Variants in ADARB2 observed in about 807,000 individuals in gnomAD.
ADARB2 encodes adenosine deaminase RNA specific B2 (inactive), also known as inactive double-stranded RNA-specific editase B2.
Under a neutral mutation model 62.2 loss-of-function variants are expected in ADARB2, and 25 were observed. The observed-to-expected ratio is 0.40, with a 90% CI of 0.29 to 0.56. The LOEUF (loss-of-function observed/expected upper bound fraction) is 0.56, where lower values mean the gene tolerates loss of function less well. ADARB2 is among the 20% of genes least tolerant of loss of function. The probability of loss-of-function intolerance (pLI) is 0.43; values close to 1 mark genes in which losing one functional copy is unlikely to be tolerated. For missense variants in ADARB2, 1,071 were observed against 1,077.4 expected (o/e 0.99, Z 0.08); for synonymous variants, 572 against 500.8 (o/e 1.14, Z -1.90).
intron 1 of ADARB2, among the ~76,000 whole-genome samples, chr10:1,478,124 C>A (rs940800388): frequency 1.3e-5 from 2 of 152,252 alleles, no homozygotes; most frequent in Non-Finnish European, 2.9e-5. Flanking sequence ...CAGGCAGAGA[C>A]TCCAGTCATG....
intron 3 of ADARB2, among the ~76,000 whole-genome samples, chr10:1,294,041 C>G (rs1044561843): frequency 2.0e-5 from 3 of 152,180 alleles, no homozygotes; most frequent in Non-Finnish European, 4.4e-5. Flanking sequence ...AGAGCAAGCT[C>G]AGAAGAGAAC....
At chr10:1,480,881 A>T (rs1831461881) in intron 1 of ADARB2, among the ~76,000 whole-genome samples, 1 of 152,258 alleles carries the variant, frequency 6.6e-6, no homozygotes, top group South Asian at 2.1e-4. Flanking sequence ...TATTAAGTGG[A>T]TAACACTACC....
At chr10:1,394,880 TTTC>T (rs1219200479) in intron 1 of ADARB2, 2 of 456,986 alleles carry the variant, frequency 4.4e-6, no homozygotes, top group South Asian at 1.5e-5. Context: ...CATTTTTTCT[TTTC>T]TTTTCTTTTC....
intron 1 of ADARB2, among the ~76,000 whole-genome samples, chr10:1,401,989 CA>C (rs930650063): frequency 6.6e-6 from 1 of 152,168 alleles, no homozygotes; most frequent in African/African-American, 2.4e-5. Flanking sequence ...TGAAAATCTC[CA>C]AAATGGAGTA....
intron 1 of ADARB2, among the ~76,000 whole-genome samples, chr10:1,485,381 G>C (rs1344529349): frequency 6.6e-6 from 1 of 152,076 alleles, no homozygotes; most frequent in Non-Finnish European, 1.5e-5. Flanking sequence ...TGCACTAATA[G>C]ATAGATCTCT....
intron 1 of ADARB2, among the ~76,000 whole-genome samples, chr10:1,512,539 A>T (rs1012016262): frequency 6.6e-6 from 1 of 152,234 alleles, no homozygotes; most frequent in Non-Finnish European, 1.5e-5. Flanking sequence ...CATTTCCTAG[A>T]TGAGAAGGCT....
chr10:1,276,910 C>G (rs1429975028), intron 3 of ADARB2, among the ~76,000 whole-genome samples: 4 of 152,232 alleles, frequency 2.6e-5, no homozygotes, highest in African/African-American at 9.6e-5. Context: ...AACTGTCTTT[C>G]AGACCACAGT....
At chr10:1,706,330 T>C (rs1299108913) in intron 1 of ADARB2, among the ~76,000 whole-genome samples, 2 of 152,136 alleles carry the variant, frequency 1.3e-5, no homozygotes, top group South Asian at 2.1e-4. Flanking sequence ...TGGTGAGAAA[T>C]GGGTACAAAG....
intron 1 of ADARB2, chr10:1,675,999 C>G (rs759976078): frequency 1.0e-6 from 1 of 985,110 alleles, no homozygotes; most frequent in Non-Finnish European, 1.2e-6. Context: ...CACCCACCCC[C>G]GACTTTGGTA....
At position 1,226,321 on chromosome 10, in the gene ADARB2, T is replaced by TC. The variant is rs569724480; in HGVS notation, c.1513+7372dup. On this transcript the variant is annotated intron_variant, in intron 6 of 9. Transcript: ENST00000381312. ...AGTTATCCATTCATCTAATTTTTTT[T>TC]CAAAACTTTTAACTTCTTTGCCATT... Among the ~76,000 whole-genome samples, 106 of 152,354 alleles carry TC rather than the reference T, an allele frequency of 7.0e-4. 1 individual carries two copies. The highest frequency in any genetic ancestry group is 2.4e-3 in the Admixed American group (36 of 15,300).
At chr10:1,472,155 C>T (rs1383572475) in intron 1 of ADARB2, among the ~76,000 whole-genome samples, 1 of 152,184 alleles carries the variant, frequency 6.6e-6, no homozygotes, top group Non-Finnish European at 1.5e-5. Flanking sequence ...TGTCTTGCTG[C>T]TTCTTTACAG....
chr10:1,186,554 CT>C (rs1252131507), intron 8 of ADARB2: 1 of 518,954 alleles, frequency 1.9e-6, no homozygotes, highest in Non-Finnish European at 3.8e-6. Context: ...TCATTCATGC[CT>C]CCTCGCAGAT....
In ADARB2 at chr10:1,437,461, C is replaced by T. The variant is rs138250863; in HGVS notation, c.101-58301G>A. ...GACTAAGAAGCGACTCCAGCCAGGA[C>T]GCTTACAGCAGACACGCAGCCACGG... On this transcript the variant is annotated intron_variant, in intron 1 of 9. Transcript: ENST00000381312. Among the ~76,000 whole-genome samples the T allele has an allele frequency of 2.1e-3, 322 of 152,302 alleles. 2 individuals are homozygous for T. Among genetic ancestry groups the T allele is most frequent in the African/African-American group, 6.7e-3 (280 of 41,558 alleles).
chr10:1,664,589 A>G (rs539570501), intron 1 of ADARB2, among the ~76,000 whole-genome samples: 1 of 152,188 alleles, frequency 6.6e-6, no homozygotes, highest in Non-Finnish European at 1.5e-5. Context: ...TACGGCGAGC[A>G]GGCTGTGTGC....
intron 6 of ADARB2, among the ~76,000 whole-genome samples, chr10:1,221,365 A>G (rs1830693465): frequency 6.6e-6 from 1 of 152,068 alleles, no homozygotes; most frequent in Non-Finnish European, 1.5e-5. Context: ...TGAGGTCAAT[A>G]TCAAGGTAAA....
intron 1 of ADARB2, among the ~76,000 whole-genome samples, chr10:1,524,740 C>T (rs963599585): frequency 3.3e-5 from 5 of 152,080 alleles, no homozygotes; most frequent in Admixed American, 1.3e-4. Context: ...AGTGCACACG[C>T]GCGTGTGTTC....
At chr10:1,269,059 T>C (rs957602489) in intron 4 of ADARB2, among the ~76,000 whole-genome samples, 1 of 152,200 alleles carries the variant, frequency 6.6e-6, no homozygotes, top group South Asian at 2.1e-4. Flanking sequence ...GGGCTGGAAG[T>C]GCATTGCACA....
chr10:1,273,325 A>T (rs547758834), intron 3 of ADARB2, among the ~76,000 whole-genome samples: 7 of 152,172 alleles, frequency 4.6e-5, no homozygotes, highest in Non-Finnish European at 1.0e-4. Flanking sequence ...CAGTGGCACT[A>T]TCACGGCTCA....
chr10:1,597,802 T>C (rs1169947298), intron 1 of ADARB2, among the ~76,000 whole-genome samples: 2 of 152,180 alleles, frequency 1.3e-5, no homozygotes, highest in Non-Finnish European at 2.9e-5. Flanking sequence ...AATCATTGTA[T>C]AAAAAAGATG....
Sources: allele counts gnomAD v4.1 joint callset (sites outside exome capture counted in the v4.1 genomes callset), GRCh38; gene constraint gnomAD v4.1.1; transcripts MANE v1.5; gene names NCBI Gene and HGNC (gene_info 2026-07-23, HGNC 2026-07-21).